The following WARS2 variants were observed in gnomAD, a reference collection of about 807,000 sequenced individuals.
WARS2 encodes tryptophanyl tRNA synthetase 2, mitochondrial.
Under a neutral mutation model 36.5 loss-of-function variants are expected in WARS2, and 28 were observed. The observed-to-expected ratio is 0.77, with a 90% CI of 0.57 to 1.05. The LOEUF (loss-of-function observed/expected upper bound fraction) is 1.05. Among genes scored for constraint, WARS2 ranks in the 50% least tolerant of loss-of-function variants. The pLI, the probability that WARS2 is intolerant of heterozygous loss-of-function variation, is 0.00. For synonymous variants in WARS2, 174 were observed against 178.4 expected, an observed-to-expected ratio of 0.98 and a Z score of 0.20; for missense variants, 435 against 456.8, an observed-to-expected ratio of 0.95 and a Z score of 0.44.
chr1:119,114,797 T>C (rs1378858752), intron 1 of WARS2, among the ~76,000 whole-genome samples: 1 of 152,210 alleles, frequency 6.6e-6, no homozygotes, highest in Admixed American at 6.5e-5. Context: ...CCTAAGTACA[T>C]CCTGCAAAGA....
chr1:119,118,384 A>C lies in WARS2; in HGVS notation c.90+22171T>G, dbSNP rs368237708. Among the ~76,000 whole-genome samples, 34 of 152,192 alleles carry C rather than the reference A, an allele frequency of 2.2e-4. No homozygotes were observed. In the East Asian group the frequency reaches 6.6e-3, roughly 29 times the overall value. On this transcript the variant is annotated intron_variant, in intron 1 of 5. Coordinates refer to ENST00000235521, the MANE Select transcript of WARS2 (RefSeq NM_015836.4). ...TTAACCCAATCCAACAAAGACAAAG[A>C]AAAAAGAATTTTAAAAATGAACAAA...
At chr1:119,096,330 T>C (rs1653435969) in intron 1 of WARS2, among the ~76,000 whole-genome samples, 1 of 152,182 alleles carries the variant, frequency 6.6e-6, no homozygotes. Context: ...AATGTAAAGG[T>C]CAAAATAATG....
intron 1 of WARS2, among the ~76,000 whole-genome samples, chr1:119,139,464 A>G (rs587654856): frequency 1.8e-4 from 28 of 152,326 alleles, no homozygotes; most frequent in African/African-American, 6.0e-4. Context: ...AGAGGTTGAA[A>G]GAACATTAAC....
At chr1:119,063,312 G>C (rs1373120071) in intron 2 of WARS2, 1 of 152,228 alleles carries the variant, frequency 6.6e-6, no homozygotes, top group African/African-American at 2.4e-5. Context: ...TACTGTTAAA[G>C]GCATTCAGTT....
chr1:119,038,776 A>G (rs189412987), intron 4 of WARS2, among the ~76,000 whole-genome samples: 1 of 152,152 alleles, frequency 6.6e-6, no homozygotes, highest in East Asian at 1.9e-4. Context: ...CTCCTCCCGG[A>G]TTCAGGCAAT....
intron 1 of WARS2, among the ~76,000 whole-genome samples, chr1:119,125,441 G>T (rs1655588362): frequency 6.6e-6 from 1 of 152,056 alleles, no homozygotes; most frequent in Non-Finnish European, 1.5e-5. Context: ...TCTCCTACTA[G>T]AATTTAAGAT....
rs1648436002 is a variant in WARS2, at chr1:119,042,274, G to C, written c.505C>G (p.Leu169Val). The change falls in exon 4 of 6, where the codon CTG becomes GTG. Residue 169 changes from leucine to valine, a missense_variant. Leu to Val is a conservative substitution (Grantham distance 32). Coordinates refer to ENST00000235521, the MANE Select transcript of WARS2 (RefSeq NM_015836.4). Reference protein sequence around the residue: ...TYPVLQAADILLYKSTHVPVG... With the variant: ...TYPVLQAADIVLYKSTHVPVG... ...GAACTCTCTTCTTACTTGTACAACAGAATGTCGGCTGCCTGGAGTACTGGG... is the reference window on the plus strand; with the variant it reads ...GAACTCTCTTCTTACTTGTACAACACAATGTCGGCTGCCTGGAGTACTGGG... 6.2e-7 allele frequency: 1 copy of C among 1,613,888 alleles called. No homozygotes were observed. The highest frequency in any genetic ancestry group is 8.5e-7 in the Non-Finnish European group (1 of 1,179,910).
At chr1:119,085,011 C>T (rs1652517480) in intron 1 of WARS2, 1 of 624,006 alleles carries the variant, frequency 1.6e-6, no homozygotes, top group Non-Finnish European at 2.9e-6. Flanking sequence ...GTGACGCCTA[C>T]AGTCACTGGA....
At chr1:119,130,546 A>T (rs1656026288) in intron 1 of WARS2, among the ~76,000 whole-genome samples, 1 of 152,170 alleles carries the variant, frequency 6.6e-6, no homozygotes, top group African/African-American at 2.4e-5. Context: ...ATTTATAAAC[A>T]TGTGGATACT....
intron 2 of WARS2, among the ~76,000 whole-genome samples, chr1:119,061,754 G>GTAGC (rs924819035): frequency 6.6e-6 from 1 of 151,998 alleles, no homozygotes; most frequent in African/African-American, 2.4e-5. Context: ...ATGGAATCTA[G>GTAGC]TAGCCAACTG....
intron 1 of WARS2, among the ~76,000 whole-genome samples, chr1:119,129,004 A>C (rs1655895385): frequency 6.6e-6 from 1 of 152,242 alleles, no homozygotes; most frequent in African/African-American, 2.4e-5. Flanking sequence ...AGGAGATGTC[A>C]TGTGGATGCT....
intron 1 of WARS2, among the ~76,000 whole-genome samples, chr1:119,130,660 A>G (rs374291280): frequency 3.9e-5 from 6 of 152,156 alleles, no homozygotes; most frequent in African/African-American, 1.4e-4. Context: ...AAGTTCAACA[A>G]TCTCCTTGAT....
At chr1:119,126,496 C>A in intron 1 of WARS2, 23 of 322,462 alleles carry the variant, frequency 7.1e-5, no homozygotes, top group East Asian at 2.0e-4. Flanking sequence ...TTTTTTTTTT[C>A]ACAAATAGGA....
At chr1:119,039,693 T>A (rs1467129099) in intron 4 of WARS2, among the ~76,000 whole-genome samples, 1 of 152,196 alleles carries the variant, frequency 6.6e-6, no homozygotes, top group Admixed American at 6.5e-5. Context: ...CCAAAATAGT[T>A]ACATAAATCT....
At chr1:119,121,337 G>A (rs1655311330) in intron 1 of WARS2, among the ~76,000 whole-genome samples, 1 of 152,076 alleles carries the variant, frequency 6.6e-6, no homozygotes, top group Admixed American at 6.6e-5. Context: ...CCTAACCAAA[G>A]AGGTGAAAGA....
At chr1:119,079,602 C>T (rs1652036105) in intron 1 of WARS2, among the ~76,000 whole-genome samples, 1 of 152,150 alleles carries the variant, frequency 6.6e-6, no homozygotes, top group Admixed American at 6.6e-5. Context: ...CTAATGCTAG[C>T]TCCTGAGAGC....
intron 1 of WARS2, among the ~76,000 whole-genome samples, chr1:119,110,044 C>T (rs1654521880): frequency 6.6e-6 from 1 of 152,012 alleles, no homozygotes; most frequent in Non-Finnish European, 1.5e-5. Context: ...TTCCTCCCAT[C>T]CTTGTATCAT....
intron 1 of WARS2, 87 bp from the exon 2 acceptor site, chr1:119,076,694 T>C: frequency 6.5e-7 from 1 of 1,546,158 alleles, no homozygotes; most frequent in South Asian, 1.3e-5. Context: ...TGGGAGCTAG[T>C]TATATTTTTG....
At chr1:119,044,846 T>C (rs1334928977) in intron 3 of WARS2, among the ~76,000 whole-genome samples, 1 of 152,198 alleles carries the variant, frequency 6.6e-6, no homozygotes, top group Non-Finnish European at 1.5e-5. Flanking sequence ...ATATGAATTC[T>C]GAGGGAACAC....
Sources: allele counts gnomAD v4.1 joint callset (sites outside exome capture counted in the v4.1 genomes callset), GRCh38; gene constraint gnomAD v4.1.1; transcripts MANE v1.5; gene names NCBI Gene and HGNC (gene_info 2026-07-23, HGNC 2026-07-21).